The following PIK3C2G variants were observed in gnomAD, a reference collection of about 807,000 sequenced individuals.
PIK3C2G encodes the protein phosphatidylinositol 3-kinase C2 domain-containing subunit gamma.
In PIK3C2G, 168 loss-of-function variants were observed where a neutral mutation model predicts 181.1. The observed-to-expected ratio is 0.93, with a 90% CI of 0.82 to 1.05. The LOEUF (loss-of-function observed/expected upper bound fraction) is 1.05. Ranked by LOEUF, PIK3C2G falls within the 50% of genes least tolerant of loss-of-function variation. The pLI is 0.00. For synonymous variants in PIK3C2G, 573 were observed against 592.2 expected (o/e 0.97, Z 0.47); for missense variants, 1,869 against 1,732.8 (o/e 1.08, Z -1.40).
At chr12:18,624,740 T>C (rs1425440020) in intron 31 of PIK3C2G, among the ~76,000 whole-genome samples, 1 of 151,680 alleles carries the variant, frequency 6.6e-6, no homozygotes, top group African/African-American at 2.4e-5. Context: ...TATTCAGATT[T>C]TCTATTTCTT....
In PIK3C2G at chr12:18,420,950, T is replaced by C. The variant is rs757517911; in HGVS notation, c.2325T>C (p.Asp775=). 5 of 1,580,336 alleles carry C rather than the reference T, an allele frequency of 3.2e-6. No individual in the cohort carries two copies. Among genetic ancestry groups the C allele is most frequent in the Non-Finnish European group, 4.3e-6 (5 of 1,150,054 alleles). ...ALGLLTSSFP[D]QEIRKVAVQQ... ...ATTTACTGTGTATTAGTTTTCCAGA[T>C]CAAGAAATTCGTAAAGTGGCAGTTC... is the stretch of plus-strand genomic sequence containing the variant. Residue 775 remains aspartate (D), a synonymous_variant, in exon 17 of 33, where the codon GAT becomes GAC. Transcript: ENST00000538779.
At chr12:18,649,352 G>A (rs996333999), downstream of PIK3C2G, among the ~76,000 whole-genome samples, 1 of 151,978 alleles carries the variant, frequency 6.6e-6, no homozygotes, top group Non-Finnish European at 1.5e-5. Flanking sequence ...TCCCAAACCA[G>A]TCTCCCAATT....
chr12:18,656,962 C>T, the PIK3C2G span, among the ~76,000 whole-genome samples: 1 of 152,136 alleles, frequency 6.6e-6, no homozygotes, highest in Non-Finnish European at 1.5e-5. Context: ...GCCCTAATGA[C>T]AGCAGCTCAC....
the PIK3C2G span, among the ~76,000 whole-genome samples, chr12:18,678,611 C>A: frequency 2.6e-5 from 4 of 152,048 alleles, no homozygotes; most frequent in Non-Finnish European, 5.9e-5. Context: ...CAGTACATAA[C>A]TACCTTTTGC....
chr12:18,662,377 G>A, the PIK3C2G span, among the ~76,000 whole-genome samples: 7 of 151,772 alleles, frequency 4.6e-5, no homozygotes, highest in African/African-American at 1.7e-4. Context: ...TAATAAATGA[G>A]GGAGAAATAA....
chr12:18,299,408 T>C (rs922324545), intron 5 of PIK3C2G, among the ~76,000 whole-genome samples: 1 of 151,944 alleles, frequency 6.6e-6, no homozygotes, highest in Non-Finnish European at 1.5e-5. Flanking sequence ...TGCAACTTTA[T>C]TTAATTTGTT....
chr12:18,642,003 C>G (rs1003433559), intron 32 of PIK3C2G, among the ~76,000 whole-genome samples: 54 of 152,266 alleles, frequency 3.5e-4, no homozygotes, highest in African/African-American at 1.1e-3. Context: ...ACCGCCTCAG[C>G]CTCCCAAAAT....
intron 3 of PIK3C2G, among the ~76,000 whole-genome samples, chr12:18,289,629 T>C (rs1007993191): frequency 7.9e-5 from 12 of 152,084 alleles, no homozygotes; most frequent in African/African-American, 2.9e-4. Flanking sequence ...TAGGACAAGT[T>C]TGGGGAACCC....
intron 30 of PIK3C2G, among the ~76,000 whole-genome samples, chr12:18,596,072 ATAAATAAT>A (rs1480361252): frequency 1.3e-5 from 2 of 152,096 alleles, no homozygotes; most frequent in African/African-American, 2.4e-5. Context: ...TAGTTGTTCA[ATAAATAAT>A]TACTGAATAA....
chr12:18,321,554 C>T (rs1276097862), intron 7 of PIK3C2G, among the ~76,000 whole-genome samples: 2 of 152,154 alleles, frequency 1.3e-5, no homozygotes, highest in African/African-American at 4.8e-5. Context: ...CGTAGCTAAA[C>T]TGGGAGTTTG....
the PIK3C2G span, among the ~76,000 whole-genome samples, chr12:18,663,532 C>T: frequency 6.6e-6 from 1 of 151,928 alleles, no homozygotes; most frequent in South Asian, 2.1e-4. Context: ...ATTTTGATAT[C>T]CATAGGAGGT....
intron 1 of PIK3C2G, among the ~76,000 whole-genome samples, chr12:18,280,089 ATTG>A (rs1482770404): frequency 2.0e-5 from 3 of 152,084 alleles, no homozygotes; most frequent in African/African-American, 4.8e-5. Flanking sequence ...TGCACACATA[ATTG>A]TTAAGAGAAT....
intron 26 of PIK3C2G, among the ~76,000 whole-genome samples, chr12:18,553,662 G>C (rs993931617): frequency 6.6e-6 from 1 of 152,102 alleles, no homozygotes; most frequent in Non-Finnish European, 1.5e-5. Flanking sequence ...AGCAGGAAAA[G>C]GGGATGGGGA....
chr12:18,454,497 G>A (rs1488561847), intron 18 of PIK3C2G, among the ~76,000 whole-genome samples: 1 of 152,100 alleles, frequency 6.6e-6, no homozygotes, highest in East Asian at 1.9e-4. Context: ...GTGTAGTCAC[G>A]TGAGGTATAC....
Position 18,509,078 on chromosome 12 carries a change from G to C in PIK3C2G, c.3323+3617G>C, listed in dbSNP as rs541008359. 2.6e-5 allele frequency among the ~76,000 whole-genome samples: 4 copies of C among 152,080 alleles called. No homozygotes were observed. In the East Asian group the frequency reaches 7.7e-4, roughly 29 times the overall value. ...TTATTTATTTATTTTTTGAGATGGA[G>C]TCTCGCTCTGTCACCGAGGCTGGAG... On this transcript the variant is annotated intron_variant, in intron 24 of 32. Coordinates refer to ENST00000538779, the MANE Select transcript of PIK3C2G (RefSeq NM_001288772.2).
chr12:18,636,662 T>C (rs1241486297), intron 31 of PIK3C2G, among the ~76,000 whole-genome samples: 2 of 152,196 alleles, frequency 1.3e-5, no homozygotes, highest in Non-Finnish European at 2.9e-5. Context: ...ATTGGAGTTA[T>C]CACTTGGTTA....
chr12:18,390,544 T>C (rs1040309078), intron 14 of PIK3C2G, among the ~76,000 whole-genome samples: 2 of 152,126 alleles, frequency 1.3e-5, no homozygotes, highest in African/African-American at 4.8e-5. Context: ...TCTAGAACTG[T>C]CTATAAATCT....
chr12:18,712,990 G>C, the PIK3C2G span: 3 of 1,613,744 alleles, frequency 1.9e-6, no homozygotes, highest in Non-Finnish European at 2.5e-6. Flanking sequence ...AAGGGCACTA[G>C]CAAAATTTCA....
intron 31 of PIK3C2G, among the ~76,000 whole-genome samples, chr12:18,610,953 T>C (rs1050785794): frequency 6.6e-6 from 1 of 152,072 alleles, no homozygotes; most frequent in African/African-American, 2.4e-5. Flanking sequence ...AAATTGCTTT[T>C]AGACTGGGCA....
Sources: gnomAD v4.1 joint callset for allele counts (sites outside exome capture counted in the v4.1 genomes callset) on GRCh38, gnomAD v4.1.1 for gene constraint, MANE v1.5 for transcripts, NCBI Gene and HGNC (gene_info 2026-07-23, HGNC 2026-07-21) for gene names.